The following ANKMY2 variants were observed in gnomAD, a reference collection of about 807,000 sequenced individuals.
The protein encoded by ANKMY2 is ankyrin repeat and MYND domain-containing protein 2.
Under a neutral mutation model 50.4 loss-of-function variants are expected in ANKMY2, and 36 were observed. The observed-to-expected ratio is 0.71, with a 90% confidence interval of 0.55 to 0.94. The LOEUF (loss-of-function observed/expected upper bound fraction) is 0.94. Among genes scored for constraint, ANKMY2 ranks in the 40% least tolerant of loss-of-function variants. ANKMY2 has a pLI of 0.00. For synonymous variants in ANKMY2, 187 were observed against 178.8 expected (o/e 1.05, Z -0.36); for missense variants, 565 against 524.0 (o/e 1.08, Z -0.76).
In ANKMY2 at chr7:16,600,831, G is replaced by A. The variant is rs764216200; in HGVS notation, c.1256C>T (p.Ser419Phe). 8.1e-6 allele frequency: 13 copies of A among 1,613,626 alleles called. No homozygotes were observed. Among genetic ancestry groups the A allele is most frequent in the Non-Finnish European group, 1.1e-5 (13 of 1,179,832 alleles). The change falls in exon 10 of 10, where the codon TCT becomes TTT. Residue 419 changes from serine to phenylalanine, a missense_variant. Ser to Phe is a radical substitution (Grantham distance 155). Coordinates refer to ENST00000306999, the MANE Select transcript of ANKMY2 (RefSeq NM_020319.3). Reference protein sequence around the residue: ...PEDSGEGKKESLESEAELEGL... With the variant: ...PEDSGEGKKEFLESEAELEGL... ...TTCCAACTCAGCTTCGCTTTCAAGA[G>A]ATTCTTTCTTTCCTTCCCCGGAATC...
At chr7:16,619,155 CTT>C (rs201354944) in intron 4 of ANKMY2, among the ~76,000 whole-genome samples, 27 of 142,950 alleles carry the variant, frequency 1.9e-4, no homozygotes, top group Admixed American at 3.5e-4. Context: ...TTTATTATAC[CTT>C]TTTTTTTTTT....
intron 2 of ANKMY2, among the ~76,000 whole-genome samples, chr7:16,631,191 T>C (rs1781576597): frequency 6.6e-6 from 1 of 152,246 alleles, no homozygotes; most frequent in Non-Finnish European, 1.5e-5. Context: ...TTCTCTTTTA[T>C]TCTGTAATAT....
rs137921647 is a variant in ANKMY2, at chr7:16,604,934, G to A, written c.883-85C>T. 175 of 1,292,868 alleles carry A rather than the reference G, an allele frequency of 1.4e-4. No individual in the cohort carries two copies. The African/African-American group carries it at 1.6e-3, about 12-fold the overall frequency. 80.1% of individuals were successfully genotyped at this position (1,292,868 alleles called of 1,614,324 possible). On this transcript the variant is annotated intron_variant, in intron 7 of 9. Coordinates refer to ENST00000306999, the MANE Select transcript of ANKMY2 (RefSeq NM_020319.3). ...GAGGTATCAGCCCACGGACACTGCC[G>A]TCCTACAATGTGACACAAAAAGGAA...
intron 5 of ANKMY2, among the ~76,000 whole-genome samples, chr7:16,614,877 T>A (rs1247922665): frequency 6.6e-6 from 1 of 152,218 alleles, no homozygotes; most frequent in East Asian, 1.9e-4. Flanking sequence ...GAAATTGAAA[T>A]AGGACCTCAT....
At position 16,614,507 on chromosome 7, in the gene ANKMY2, G is replaced by A. The variant is rs144815421; in HGVS notation, c.531+1237C>T. Among the ~76,000 whole-genome samples the A allele has an allele frequency of 9.9e-4, 150 of 152,274 alleles. 1 individual carries two copies. The highest frequency in any genetic ancestry group is 1.7e-3 in the Non-Finnish European group (114 of 68,030). On this transcript the variant is annotated intron_variant, in intron 5 of 9. Coordinates refer to ENST00000306999, the MANE Select transcript of ANKMY2 (RefSeq NM_020319.3). ...GGCCTAGAAAATTAATTTGGGTGGA[G>A]GAACACACAATGAGTAAATTTGGTT...
intron 1 of ANKMY2, among the ~76,000 whole-genome samples, chr7:16,640,153 C>T (rs1382829558): frequency 2.0e-5 from 3 of 151,700 alleles, no homozygotes; most frequent in African/African-American, 4.8e-5. Context: ...GCGACAAGAG[C>T]GAGACTCTGT....
At chr7:16,627,267 G>A (rs934903238) in intron 2 of ANKMY2, 89 bp from the exon 3 acceptor site, 28 of 754,254 alleles carry the variant, frequency 3.7e-5, no homozygotes, top group Non-Finnish European at 4.8e-5. Context: ...AACATAAAAC[G>A]AATATGAACT....
intron 4 of ANKMY2, among the ~76,000 whole-genome samples, chr7:16,622,776 AT>A (rs1781457437): frequency 3.9e-5 from 4 of 103,254 alleles, no homozygotes; most frequent in African/African-American, 1.2e-4. Flanking sequence ...AAATAAATAA[AT>A]AAATAAATAA....
At chr7:16,637,425 C>T (rs1345287656) in intron 1 of ANKMY2, among the ~76,000 whole-genome samples, 1 of 152,184 alleles carries the variant, frequency 6.6e-6, no homozygotes, top group Non-Finnish European at 1.5e-5. Context: ...TTAAGCAAGT[C>T]ACCTGAGTTC....
chr7:16,641,015 T>G (rs1297858486), intron 1 of ANKMY2, among the ~76,000 whole-genome samples: 1 of 152,242 alleles, frequency 6.6e-6, no homozygotes, highest in East Asian at 1.9e-4. Context: ...TAGATTTTGA[T>G]ATAATCATAG....
intron 4 of ANKMY2, among the ~76,000 whole-genome samples, chr7:16,617,611 A>C (rs1781374069): frequency 6.6e-6 from 1 of 152,210 alleles, no homozygotes; most frequent in African/African-American, 2.4e-5. Flanking sequence ...TCAAATTTTA[A>C]AAATTAACAG....
chr7:16,601,906 T>C (rs1013219960), intron 9 of ANKMY2, among the ~76,000 whole-genome samples: 1 of 152,224 alleles, frequency 6.6e-6, no homozygotes, highest in Admixed American at 6.5e-5. Flanking sequence ...TTGATCTGTA[T>C]ATTAGATCTG....
intron 1 of ANKMY2, among the ~76,000 whole-genome samples, chr7:16,642,575 G>A (rs935348618): frequency 6.6e-6 from 1 of 151,710 alleles, no homozygotes; most frequent in Non-Finnish European, 1.5e-5. Flanking sequence ...GCTAGACTTT[G>A]CTGAAAAGTT....
At position 16,600,805 on chromosome 7, in the gene ANKMY2, C is replaced by A. The variant is rs1398890839; in HGVS notation, c.1282G>T (p.Gly428Cys). The change falls in exon 10 of 10, where the codon GGC (glycine) becomes TGC (cysteine). Residue 428 changes from glycine to cysteine, a missense_variant. By Grantham distance (159) the Gly-to-Cys change is radical. Transcript: ENST00000306999. ...GGCCCTGCAGGAGCATCCTGTAAGC[C>A]TTCCAACTCAGCTTCGCTTTCAAGA... is the stretch of plus-strand genomic sequence containing the variant. ...ESLESEAELE[G>C]LQDAPAGPQV... 1.2e-6 allele frequency: 2 copies of A among 1,613,682 alleles called. No individual in the cohort carries two copies. Among genetic ancestry groups the A allele is most frequent in the African/African-American group, 2.7e-5 (2 of 74,918 alleles).
chr7:16,641,245 C>CAA (rs953629305), intron 1 of ANKMY2, among the ~76,000 whole-genome samples: 3 of 151,996 alleles, frequency 2.0e-5, no homozygotes, highest in African/African-American at 7.2e-5. Flanking sequence ...CACACAGACA[C>CAA]ACACACACAC....
intron 1 of ANKMY2, among the ~76,000 whole-genome samples, chr7:16,640,940 C>A (rs1393484675): frequency 2.0e-5 from 3 of 151,978 alleles, no homozygotes; most frequent in Non-Finnish European, 4.4e-5. Context: ...ATAGTGTTTA[C>A]GTATAAGTAA....
chr7:16,642,696 C>G (rs182034993), intron 1 of ANKMY2, among the ~76,000 whole-genome samples: 7 of 151,392 alleles, frequency 4.6e-5, no homozygotes, highest in Non-Finnish European at 2.9e-5. Context: ...AAAAATGCCT[C>G]TTTTTGGCAC....
Position 16,600,715 on chromosome 7 carries a change from C to T in ANKMY2, c.*46G>A. ...CAATGCATTCCTAGGAGTTTTCCAG[C>T]TTCTTGCAGGGTGAGGATCATCCAC... On this transcript the variant is annotated 3_prime_UTR_variant, in exon 10 of 10. Coordinates refer to ENST00000306999, the MANE Select transcript of ANKMY2 (RefSeq NM_020319.3). 1 of 1,504,022 alleles carries T rather than the reference C, an allele frequency of 6.6e-7. No individual in the cohort carries two copies. The highest frequency in any genetic ancestry group is 8.9e-7 in the Non-Finnish European group (1 of 1,123,108). The allele number at this position is 1,504,022 out of a possible 1,614,324, so 93.2% of individuals were successfully genotyped here.
intron 2 of ANKMY2, among the ~76,000 whole-genome samples, chr7:16,635,832 A>AT (rs1335785889): frequency 6.6e-6 from 1 of 152,122 alleles, no homozygotes. Context: ...TTAAAAGTCC[A>AT]TTTTTCCCCA....
Sources: allele counts gnomAD v4.1 joint callset (sites outside exome capture counted in the v4.1 genomes callset), GRCh38; gene constraint gnomAD v4.1.1; transcripts MANE v1.5; gene names NCBI Gene and HGNC (gene_info 2026-07-23, HGNC 2026-07-21).